The following PARM1 variants were observed in gnomAD, a reference collection of about 807,000 sequenced individuals.
PARM1 encodes prostate androgen-regulated mucin-like protein 1, also known as WSC4, cell wall integrity and stress response component 4 homolog.
A neutral mutation model predicts 24.6 loss-of-function variants in PARM1; 14 were observed. That is an observed-to-expected ratio of 0.57 (90% confidence interval 0.38 to 0.89). The LOEUF (loss-of-function observed/expected upper bound fraction) is 0.89, where lower values mean the gene tolerates loss of function less well. Among genes scored for constraint, PARM1 ranks in the 40% least tolerant of loss-of-function variants. PARM1 has a pLI of 0.00. For missense variants in PARM1, 362 were observed against 380.4 expected (o/e 0.95, Z 0.40); for synonymous variants, 179 against 156.6 (o/e 1.14, Z -1.07).
At chr4:75,024,166 G>A (rs555572464) in intron 2 of PARM1, among the ~76,000 whole-genome samples, 202 of 152,214 alleles carry the variant, frequency 1.3e-3, no homozygotes, top group African/African-American at 4.6e-3. Flanking sequence ...CAGCTACTCC[G>A]GAGGCTGAGG....
chr4:75,023,766 A>C (rs1033092681), intron 2 of PARM1, among the ~76,000 whole-genome samples: 1 of 152,208 alleles, frequency 6.6e-6, no homozygotes, highest in Non-Finnish European at 1.5e-5. Flanking sequence ...GAGAAAGGCA[A>C]TCTTGGGGCG....
chr4:74,987,515 A>G (rs1391048911), intron 1 of PARM1, among the ~76,000 whole-genome samples: 1 of 152,248 alleles, frequency 6.6e-6, no homozygotes, highest in East Asian at 1.9e-4. Context: ...ATCATGAAGT[A>G]AAATTATTTG....
chr4:75,022,904 A>G (rs1437289698), intron 2 of PARM1, among the ~76,000 whole-genome samples: 1 of 152,218 alleles, frequency 6.6e-6, no homozygotes, highest in Non-Finnish European at 1.5e-5. Flanking sequence ...GAGTGCATAT[A>G]ATAGATGCTA....
chr4:74,943,156 T>TG (rs1377474188), intron 1 of PARM1, among the ~76,000 whole-genome samples: 1 of 152,192 alleles, frequency 6.6e-6, no homozygotes, highest in Non-Finnish European at 1.5e-5. Flanking sequence ...CTGTTCCACT[T>TG]GCCAACACCA....
At chr4:74,964,193 A>G (rs1721842683) in intron 1 of PARM1, among the ~76,000 whole-genome samples, 2 of 152,194 alleles carry the variant, frequency 1.3e-5, no homozygotes, top group South Asian at 4.1e-4. Flanking sequence ...TTCACAGTTC[A>G]AATAATACTC....
intron 1 of PARM1, among the ~76,000 whole-genome samples, chr4:74,950,897 G>A (rs947546386): frequency 8.0e-5 from 12 of 150,812 alleles, no homozygotes; most frequent in Non-Finnish European, 1.5e-4. Context: ...ACTAAATACC[G>A]ATAGCACCCT....
At chr4:75,027,783 C>T (rs1345239116) in intron 2 of PARM1, among the ~76,000 whole-genome samples, 3 of 152,196 alleles carry the variant, frequency 2.0e-5, no homozygotes, top group Non-Finnish European at 4.4e-5. Flanking sequence ...TTCATTCTTC[C>T]TTCACCAGTA....
At chr4:75,040,757 C>T (rs913271935) in intron 3 of PARM1, among the ~76,000 whole-genome samples, 2 of 152,176 alleles carry the variant, frequency 1.3e-5, no homozygotes, top group Non-Finnish European at 2.9e-5. Flanking sequence ...TAAAATCATT[C>T]CAACATACAA....
chr4:74,987,619 G>A (rs1722381983), intron 1 of PARM1, among the ~76,000 whole-genome samples: 1 of 152,164 alleles, frequency 6.6e-6, no homozygotes. Flanking sequence ...GACAGGTTAT[G>A]TCAACGTCAA....
intron 3 of PARM1, among the ~76,000 whole-genome samples, chr4:75,036,096 C>T (rs186573972): frequency 1.2e-4 from 18 of 152,288 alleles, no homozygotes; most frequent in Admixed American, 4.6e-4. Context: ...CAAAAAGGAA[C>T]TTACACATAA....
intron 1 of PARM1, among the ~76,000 whole-genome samples, chr4:74,934,560 G>A (rs922479028): frequency 3.9e-5 from 6 of 152,220 alleles, no homozygotes; most frequent in Admixed American, 2.6e-4. Context: ...ACGTCCGTCT[G>A]AGAAAACCTC....
intron 1 of PARM1, among the ~76,000 whole-genome samples, chr4:75,008,782 G>A (rs1441012934): frequency 2.0e-5 from 3 of 152,218 alleles, no homozygotes; most frequent in Non-Finnish European, 4.4e-5. Context: ...ATGAATGAAT[G>A]AATTGGTTCT....
chr4:74,978,846 C>T (rs540194793), intron 1 of PARM1, among the ~76,000 whole-genome samples: 1 of 152,268 alleles, frequency 6.6e-6, no homozygotes, highest in South Asian at 2.1e-4. Context: ...GAACAACCTG[C>T]TCCTGAATGA....
chr4:75,023,352 A>G (rs1723122933), intron 2 of PARM1, among the ~76,000 whole-genome samples: 1 of 152,184 alleles, frequency 6.6e-6, no homozygotes, highest in South Asian at 2.1e-4. Context: ...CCTGTTTTAC[A>G]GGATTCTTAT....
chr4:75,013,225 C>T, intron 2 of PARM1, 75 bp downstream of exon 2: 5 of 1,453,256 alleles, frequency 3.4e-6, no homozygotes, highest in Non-Finnish European at 4.6e-6. Context: ...GAACCAAACA[C>T]AATGGAAAAT....
chr4:75,012,722 G>T lies in PARM1; in HGVS notation c.341G>T (p.Gly114Val), dbSNP rs1398463301. 2 of 1,613,966 alleles carry T rather than the reference G, an allele frequency of 1.2e-6. No homozygotes were observed. The highest frequency in any genetic ancestry group is 2.7e-5 in the African/African-American group (2 of 75,018). ...PSPSGFSSTSGGVHLTTTLEE... is the reference protein window; with the variant it reads ...PSPSGFSSTSVGVHLTTTLEE... ...CCTTCTGGGTTCTCGTCAACAAGCG[G>T]TGGAGTCCACTTAACAACCACGTTG... Residue 114 changes from glycine (G) to valine (V), a missense_variant, in exon 2 of 4, where the codon GGT (glycine) becomes GTT (valine). Coordinates refer to ENST00000307428, the MANE Select transcript of PARM1 (RefSeq NM_015393.4).
At chr4:74,986,741 T>A (rs1416006352) in intron 1 of PARM1, among the ~76,000 whole-genome samples, 3 of 151,784 alleles carry the variant, frequency 2.0e-5, no homozygotes, top group South Asian at 4.1e-4. Context: ...AGGAAAAAAA[T>A]TTCAATGGAA....
In PARM1 at chr4:75,046,338, C is replaced by T. The variant is rs183969374; in HGVS notation, c.*91C>T. On this transcript the variant is annotated 3_prime_UTR_variant, in exon 4 of 4. Coordinates refer to ENST00000307428, the MANE Select transcript of PARM1 (RefSeq NM_015393.4). Reference sequence around the variant, plus strand: ...TAATAAGTACCTGATGCGCATTGAACGACAATCTTAAGCCCTGTTTTGTTG... The same window carrying T: ...TAATAAGTACCTGATGCGCATTGAATGACAATCTTAAGCCCTGTTTTGTTG... 3.2e-4 allele frequency: 260 copies of T among 818,100 alleles called. No individual in the cohort carries two copies. Among genetic ancestry groups the T allele is most frequent in the East Asian group, 2.5e-3 (93 of 37,384 alleles). The allele number at this position is 818,100 out of a possible 1,614,324, so 50.7% of individuals were successfully genotyped here.
intron 1 of PARM1, among the ~76,000 whole-genome samples, chr4:74,940,802 A>G (rs1300197641): frequency 6.6e-6 from 1 of 152,210 alleles, no homozygotes; most frequent in East Asian, 1.9e-4. Context: ...CAATTATTTT[A>G]AAGATTAAAG....
Sources: gnomAD v4.1 joint callset for allele counts (sites outside exome capture counted in the v4.1 genomes callset) on GRCh38, gnomAD v4.1.1 for gene constraint, MANE v1.5 for transcripts, NCBI Gene and HGNC (gene_info 2026-07-23, HGNC 2026-07-21) for gene names.